Variants in HOXA3 observed in about 807,000 individuals in gnomAD.
HOXA3 encodes homeobox protein Hox-A3.
A neutral mutation model predicts 30.3 loss-of-function variants in HOXA3; 8 were observed. That is an observed-to-expected ratio of 0.26 (90% CI 0.15 to 0.48). The LOEUF (loss-of-function observed/expected upper bound fraction) is 0.48, where lower values mean the gene tolerates loss of function less well. HOXA3 is among the 20% of genes least tolerant of loss of function. The pLI is 0.99. For missense variants in HOXA3, 653 were observed against 614.4 expected, an observed-to-expected ratio of 1.06 and a Z score of -0.66; for synonymous variants, 323 against 273.1, an observed-to-expected ratio of 1.18 and a Z score of -1.80.
intron 2 of HOXA3, chr7:27,130,064 A>C (rs1785456176): frequency 6.5e-7 from 1 of 1,532,778 alleles, no homozygotes; most frequent in Non-Finnish European, 8.8e-7. Flanking sequence ...CCGACCCTCG[A>C]ACCCAGGCCC....
At chr7:27,133,303 T>A (rs1419266009) in intron 2 of HOXA3, among the ~76,000 whole-genome samples, 1 of 152,146 alleles carries the variant, frequency 6.6e-6, no homozygotes. Context: ...TGAAAAACAT[T>A]TAAAAAAAAT....
chr7:27,130,340 C>T (rs1272780085), intron 2 of HOXA3: 3 of 1,115,692 alleles, frequency 2.7e-6, no homozygotes, highest in Non-Finnish European at 3.3e-6. Flanking sequence ...ACGTGGCTCG[C>T]ATGCAGGCCG....
intron 1 of HOXA3, chr7:27,143,411 G>A (rs920471143): frequency 1.9e-6 from 3 of 1,611,310 alleles, no homozygotes; most frequent in African/African-American, 2.7e-5. Context: ...GCGCTCTCCG[G>A]AGCCAAAGTG....
intron 1 of HOXA3, chr7:27,145,592 A>G (rs1782729106): frequency 1.3e-6 from 2 of 1,552,660 alleles, no homozygotes; most frequent in East Asian, 2.2e-5. Flanking sequence ...AAGTTGGGGA[A>G]CAGGCGAGGG....
chr7:27,135,418 GC>G (rs1407435715), intron 2 of HOXA3, among the ~76,000 whole-genome samples: 1 of 152,062 alleles, frequency 6.6e-6, no homozygotes, highest in Non-Finnish European at 1.5e-5. Flanking sequence ...GCACCAGTAA[GC>G]ATTTTGTCAC....
intron 5 of HOXA3, among the ~76,000 whole-genome samples, chr7:27,109,628 C>T (rs1170785475): frequency 6.6e-6 from 1 of 152,208 alleles, no homozygotes; most frequent in Non-Finnish European, 1.5e-5. Context: ...AGGGTCTTCC[C>T]AGAGGTAAGG....
intron 3 of HOXA3, among the ~76,000 whole-genome samples, chr7:27,125,405 G>T (rs1002769482): frequency 6.6e-6 from 1 of 152,252 alleles, no homozygotes; most frequent in Non-Finnish European, 1.5e-5. Flanking sequence ...AAGGGAAGGG[G>T]TTGCCCCGTG....
Position 27,108,201 on chromosome 7 carries a change from A to C in HOXA3, c.1046T>G (p.Leu349Arg), listed in dbSNP as rs778253017. The C allele has an allele frequency of 2.6e-6, 4 of 1,539,116 alleles. No individual in the cohort carries two copies. The South Asian group carries it at 4.9e-5, about 19-fold the overall frequency. ...GGTCCCATAGCTGCCGTTGCCCTGC[A>C]GGCCATGAGCGTGCGGGTCATAGTC... is the stretch of plus-strand genomic sequence containing the variant. Reference protein sequence around the residue: ...TPDYDPHAHGLQGNGSYGTPH... With the variant: ...TPDYDPHAHGRQGNGSYGTPH... Residue 349 changes from leucine to arginine, a missense_variant, in exon 6 of 6, where the codon CTG (leucine) becomes CGG (arginine). Around this residue, in one of 3 missense-constraint regions of HOXA3, gnomAD observed 330 missense variants for 274.4 expected, o/e 1.20. Coordinates refer to ENST00000612286, the MANE Select transcript of HOXA3 (RefSeq NM_153631.3). This position sits in a 1 kb window ranked among gnomAD's most constrained non-coding sequence, Gnocchi z 5.0.
Position 27,152,496 on chromosome 7 carries a change from C to A in HOXA3, c.-702G>T. The A allele has an allele frequency of 8.6e-7, 1 of 1,167,940 alleles. No individual in the cohort carries two copies. Among genetic ancestry groups the A allele is most frequent in the Non-Finnish European group, 1.1e-6 (1 of 931,538 alleles). The allele number at this position is 1,167,940 out of a possible 1,614,324, so 72.3% of individuals were successfully genotyped here. ...GCCTGGCCTGGCCGGGGCTTCCCTT[C>A]GCTCGCCATCTCCGGACAAAGCACA... On this transcript the variant is annotated 5_prime_UTR_variant, in exon 1 of 6. An upstream open reading frame in the 5' UTR gains an earlier in-frame stop. Transcript: ENST00000612286.
intron 1 of HOXA3, chr7:27,141,981 T>G: frequency 1.2e-6 from 2 of 1,614,274 alleles, no homozygotes; most frequent in Non-Finnish European, 1.7e-6. Flanking sequence ...ATCCTCCTTC[T>G]GCGGGTCAGG....
chr7:27,147,733 A>C (rs1782828691), intron 1 of HOXA3: 4 of 1,608,612 alleles, frequency 2.5e-6, no homozygotes, highest in Non-Finnish European at 3.4e-6. Context: ...AGTGGGATTC[A>C]CAAAATAGGA....
At chr7:27,114,176 G>C (rs1012367757) in intron 4 of HOXA3, among the ~76,000 whole-genome samples, 2 of 151,468 alleles carry the variant, frequency 1.3e-5, no homozygotes, top group Non-Finnish European at 2.9e-5. Context: ...GCGGGAGGAG[G>C]GCAGCCTCCC....
intron 4 of HOXA3, among the ~76,000 whole-genome samples, chr7:27,118,832 C>A (rs1314085816): frequency 6.6e-6 from 1 of 152,204 alleles, no homozygotes; most frequent in Non-Finnish European, 1.5e-5. Context: ...CACAGCCTGC[C>A]ATTGTATGGA....
intron 1 of HOXA3, among the ~76,000 whole-genome samples, chr7:27,143,873 C>G (rs1166545303): frequency 3.3e-5 from 5 of 152,108 alleles, no homozygotes; most frequent in African/African-American, 1.2e-4. Context: ...GCGCCCCGGG[C>G]GCGTGCCCGC....
chr7:27,136,710 A>G (rs1456947644), intron 2 of HOXA3, among the ~76,000 whole-genome samples: 1 of 152,220 alleles, frequency 6.6e-6, no homozygotes, highest in Non-Finnish European at 1.5e-5. Flanking sequence ...CAAAATCGCA[A>G]TAATTATCTA....
At chr7:27,142,036 G>A (rs370228653) in intron 1 of HOXA3, 55 of 1,614,056 alleles carry the variant, frequency 3.4e-5, no homozygotes, top group Non-Finnish European at 4.7e-5. Context: ...GGGTCTGGTA[G>A]CGCGTGTAGG....
chr7:27,109,980 T>C, intron 5 of HOXA3, 135 bp downstream of exon 5: 1 of 1,100,740 alleles, frequency 9.1e-7, no homozygotes, highest in Non-Finnish European at 1.3e-6. Flanking sequence ...GAAAACCTTT[T>C]TGGTGGGCAG....
intron 1 of HOXA3, chr7:27,151,356 C>T (rs1329779554): frequency 2.9e-6 from 1 of 339,844 alleles, no homozygotes; most frequent in Non-Finnish European, 5.8e-6. Context: ...CGGGCAGCTC[C>T]ACCATCCTCT....
intron 1 of HOXA3, chr7:27,142,985 G>T: frequency 7.1e-7 from 1 of 1,413,652 alleles, no homozygotes; most frequent in Non-Finnish European, 9.5e-7. Context: ...GCAGAGAAGA[G>T]AGGGGGGACC....
Sources: gnomAD v4.1 joint callset for allele counts (sites outside exome capture counted in the v4.1 genomes callset) on GRCh38, gnomAD v4.1.1 for gene constraint, gnomAD v4.1.1 regional missense constraint, Gnocchi (gnomAD v3.1) non-coding constraint, MANE v1.5 for transcripts, NCBI Gene and HGNC (gene_info 2026-07-23, HGNC 2026-07-21) for gene names.